The following ELAPOR2 variants were observed in gnomAD, a reference collection of about 807,000 sequenced individuals.
ELAPOR2 encodes endosome/lysosome-associated apoptosis and autophagy regulator family member 2.
In ELAPOR2, 89 loss-of-function variants were observed where a neutral mutation model predicts 120.7. The ratio of observed to expected loss-of-function variants is 0.74; its 90% CI spans 0.62 to 0.88. ELAPOR2 has a LOEUF of 0.88. Among genes scored for constraint, ELAPOR2 ranks in the 40% least tolerant of loss-of-function variants. ELAPOR2 has a pLI of 0.00. For missense variants in ELAPOR2, 1,134 were observed against 1,251.6 expected, an observed-to-expected ratio of 0.91 and a Z score of 1.42; for synonymous variants, 444 against 444.9, an observed-to-expected ratio of 1.00 and a Z score of 0.03.
chr7:86,909,612 A>G (rs1789198904), intron 16 of ELAPOR2, among the ~76,000 whole-genome samples, 200 bp downstream of exon 16: 1 of 152,132 alleles, frequency 6.6e-6, no homozygotes, highest in Non-Finnish European at 1.5e-5. Flanking sequence ...ATGAATTAAT[A>G]CATAAATGCA....
At chr7:87,026,212 G>A (rs1794238829) in intron 1 of ELAPOR2, among the ~76,000 whole-genome samples, 1 of 152,038 alleles carries the variant, frequency 6.6e-6, no homozygotes, top group Admixed American at 6.6e-5. Context: ...GTTTCATTGA[G>A]CCGTGGTCAT....
intron 21 of ELAPOR2, among the ~76,000 whole-genome samples, chr7:86,886,658 G>C (rs929755240): frequency 1.3e-5 from 2 of 152,142 alleles, no homozygotes; most frequent in Admixed American, 6.6e-5. Context: ...AGAAAAGGCT[G>C]AATAAGCCTC....
At chr7:87,017,560 C>T (rs749909607) in intron 1 of ELAPOR2, among the ~76,000 whole-genome samples, 25 of 152,008 alleles carry the variant, frequency 1.6e-4, no homozygotes, top group Admixed American at 3.3e-4. Context: ...CTTATATTTC[C>T]TAATTTCTTT....
At chr7:87,033,535 A>G (rs192509363) in intron 1 of ELAPOR2, among the ~76,000 whole-genome samples, 2 of 152,356 alleles carry the variant, frequency 1.3e-5, no homozygotes, top group African/African-American at 4.8e-5. Context: ...CTAGTGAGAA[A>G]TACAGAATGC....
At chr7:86,891,581 G>C in intron 21 of ELAPOR2, 143 bp downstream of exon 21, 1 of 609,760 alleles carries the variant, frequency 1.6e-6, no homozygotes, top group Non-Finnish European at 2.8e-6. Flanking sequence ...TATATCATGT[G>C]CTTCTAAGAG....
chr7:87,004,439 A>G (rs1793409717), intron 1 of ELAPOR2, among the ~76,000 whole-genome samples: 1 of 152,184 alleles, frequency 6.6e-6, no homozygotes, highest in African/African-American at 2.4e-5. Context: ...TACAAATTCA[A>G]TACATGTCCA....
chr7:87,048,669 G>GA (rs1795018937), intron 1 of ELAPOR2, among the ~76,000 whole-genome samples: 1 of 152,152 alleles, frequency 6.6e-6, no homozygotes, highest in South Asian at 2.1e-4. Flanking sequence ...CGCTTGAGGG[G>GA]ACAGATAACT....
chr7:87,031,342 G>T, intron 1 of ELAPOR2, among the ~76,000 whole-genome samples: 1 of 152,108 alleles, frequency 6.6e-6, no homozygotes, highest in South Asian at 2.1e-4. Context: ...TTTCCATACA[G>T]TATGTCAATG....
At chr7:87,041,936 G>A (rs563074019) in intron 1 of ELAPOR2, among the ~76,000 whole-genome samples, 2,464 of 151,740 alleles carry the variant, frequency 0.016, 130 homozygotes, top group African/African-American at 0.057. Context: ...GCAAATGGAA[G>A]ACAAAAATGG....
chr7:87,003,404 T>C (rs1383596949), intron 1 of ELAPOR2, among the ~76,000 whole-genome samples: 2 of 151,934 alleles, frequency 1.3e-5, no homozygotes, highest in African/African-American at 4.8e-5. Context: ...TGGTAGGAGG[T>C]GATTTGATCA....
At chr7:87,040,822 G>A (rs553141639) in intron 1 of ELAPOR2, among the ~76,000 whole-genome samples, 4 of 152,138 alleles carry the variant, frequency 2.6e-5, no homozygotes, top group South Asian at 4.1e-4. Context: ...TCTGAGCTAC[G>A]GGAGGACATT....
chr7:86,986,842 A>G (rs1792758755), intron 1 of ELAPOR2, among the ~76,000 whole-genome samples: 1 of 150,662 alleles, frequency 6.6e-6, no homozygotes, highest in Admixed American at 6.6e-5. Context: ...ATTGGAAAAA[A>G]ACTACTTTAA....
At chr7:87,040,568 G>A (rs2129015447) in intron 1 of ELAPOR2, among the ~76,000 whole-genome samples, 1 of 152,096 alleles carries the variant, frequency 6.6e-6, no homozygotes, top group South Asian at 2.1e-4. Context: ...CTGTTAGAAG[G>A]AAAACTAACA....
intron 8 of ELAPOR2, among the ~76,000 whole-genome samples, chr7:86,935,957 C>T (rs1406922480): frequency 6.6e-6 from 1 of 151,942 alleles, no homozygotes; most frequent in East Asian, 1.9e-4. Flanking sequence ...CTATTTTAAA[C>T]TAAGATTCAA....
chr7:87,000,330 C>T (rs1167437282), intron 1 of ELAPOR2, among the ~76,000 whole-genome samples: 1 of 152,088 alleles, frequency 6.6e-6, no homozygotes, highest in South Asian at 2.1e-4. Flanking sequence ...TGAGACCAAG[C>T]CTTTCCTCTG....
chr7:86,977,292 T>C (rs1454970869), intron 1 of ELAPOR2, among the ~76,000 whole-genome samples: 2 of 152,208 alleles, frequency 1.3e-5, no homozygotes. Flanking sequence ...AGAATCTAAG[T>C]GCCTAACTCT....
At chr7:87,011,591 T>C (rs1051706747) in intron 1 of ELAPOR2, among the ~76,000 whole-genome samples, 2 of 152,266 alleles carry the variant, frequency 1.3e-5, no homozygotes, top group African/African-American at 2.4e-5. Flanking sequence ...TGGCTTAACA[T>C]TGTTGTATAA....
chr7:86,962,174 G>A (rs1791740568), intron 2 of ELAPOR2, among the ~76,000 whole-genome samples: 1 of 152,088 alleles, frequency 6.6e-6, no homozygotes, highest in South Asian at 2.1e-4. Context: ...ATATAATATA[G>A]CTTGCCAATC....
At chr7:86,948,838 G>C (rs879290082) in intron 2 of ELAPOR2, among the ~76,000 whole-genome samples, 3 of 152,134 alleles carry the variant, frequency 2.0e-5, no homozygotes, top group Admixed American at 2.0e-4. Context: ...CCTTGGAAAA[G>C]GGCTTTCTAA....
Sources: allele counts gnomAD v4.1 joint callset (sites outside exome capture counted in the v4.1 genomes callset), GRCh38; gene constraint gnomAD v4.1.1; transcripts MANE v1.5; gene names NCBI Gene and HGNC (gene_info 2026-07-23, HGNC 2026-07-21).